Variants in SLC38A8 observed in about 807,000 individuals in gnomAD.
SLC38A8 encodes amino acid transporter SLC38A8.
Under a neutral mutation model 46.0 loss-of-function variants are expected in SLC38A8, and 65 were observed. The ratio of observed to expected loss-of-function variants is 1.41; its 90% CI spans 1.16 to 1.74. The LOEUF is 1.74. Ranked by LOEUF, SLC38A8 falls within the 40% of genes most tolerant of loss-of-function variation. SLC38A8 has a pLI of 0.00. For synonymous variants in SLC38A8, 447 were observed against 243.7 expected (o/e 1.83, Z -7.77); for missense variants, 998 against 567.9 (o/e 1.76, Z -7.70).
intron 5 of SLC38A8, among the ~76,000 whole-genome samples, 156 bp from the exon 6 acceptor site, chr16:84,029,707 A>G (rs2085215374): frequency 7.1e-6 from 1 of 141,106 alleles, no homozygotes; most frequent in African/African-American, 2.5e-5. Flanking sequence ...GGGCTTTTGG[A>G]AATGGAAAAG....
At chr16:84,017,785 T>C (rs547949050) in intron 7 of SLC38A8, among the ~76,000 whole-genome samples, 23 of 152,218 alleles carry the variant, frequency 1.5e-4, no homozygotes, top group Non-Finnish European at 2.9e-4. Context: ...ACACTGCTTC[T>C]GTCACCCCGG....
At position 84,033,447 on chromosome 16, in the gene SLC38A8, G is replaced by A. The variant is rs1187588114; in HGVS notation, c.411C>T (p.Gly137=). The change falls in exon 4 of 11, where the codon GGC becomes GGT. Residue 137 remains glycine (G), a synonymous_variant. Transcript: ENST00000299709. ...LEKLCDSLLS[G]TPPAPQPWYA... The stretch of plus-strand genomic sequence containing the variant: ...ACCACGGCTGCGGGGCGGGCGGGGT[G>A]CCAGACAGGAGGGAGTCACACACTG... The A allele has an allele frequency of 6.2e-7, 1 of 1,609,168 alleles. No individual in the cohort carries two copies. The highest frequency in any genetic ancestry group is 8.5e-7 in the Non-Finnish European group (1 of 1,177,990).
chr16:84,023,869 G>A (rs2085126397), intron 6 of SLC38A8, among the ~76,000 whole-genome samples: 3 of 152,226 alleles, frequency 2.0e-5, no homozygotes, highest in African/African-American at 7.2e-5. Flanking sequence ...ACTCCAGCCT[G>A]AAAGACACAG....
intron 6 of SLC38A8, among the ~76,000 whole-genome samples, chr16:84,028,457 CG>C (rs2085192499): frequency 6.6e-6 from 1 of 151,542 alleles, no homozygotes; most frequent in African/African-American, 2.4e-5. Context: ...TGGTGGTGCA[CG>C]CCTGTAGTCC....
Position 84,036,808 on chromosome 16 carries a change from C to T in SLC38A8, c.282G>A (p.Gly94=). Residue 94 remains glycine (G), a synonymous_variant, in exon 3 of 11, where the codon GGG becomes GGA. Coordinates refer to ENST00000299709, the MANE Select transcript of SLC38A8 (RefSeq NM_001080442.3). ...GQATYQGVVR[G]LCGPAIGKLC... is the part of the protein sequence containing the mutation. Reference sequence around the variant, plus strand: ...GCTTCCCAATGGCAGGGCCACACAGCCCCCTGACCACACCCTGGTAGGTGG... The same window carrying T: ...GCTTCCCAATGGCAGGGCCACACAGTCCCCTGACCACACCCTGGTAGGTGG... 17 of 1,614,074 alleles carry T rather than the reference C, an allele frequency of 1.1e-5. No individual in the cohort carries two copies. The highest frequency in any genetic ancestry group is 1.4e-5 in the Non-Finnish European group (17 of 1,180,020).
intron 2 of SLC38A8, 53 bp from the exon 3 acceptor site, chr16:84,036,953 C>T: frequency 6.6e-7 from 1 of 1,508,856 alleles, no homozygotes; most frequent in South Asian, 1.2e-5. Flanking sequence ...GCCCACCCAC[C>T]CCCAGCCAGC....
chr16:84,037,000 C>T (rs2085308184), intron 2 of SLC38A8, 100 bp from the exon 3 acceptor site: 1 of 1,235,992 alleles, frequency 8.1e-7, no homozygotes, highest in Non-Finnish European at 1.1e-6. Flanking sequence ...GCTTCTCATC[C>T]ACAGAGGCCA....
rs562830848 is a variant in SLC38A8, at chr16:84,016,098, G to T, written c.1162+421C>A. ...GAGCAAAGTCACGTCTTACATGGTGGCAGGCAGGCAAGAGAGCTTGTGCTG... is the reference window on the plus strand; with the variant it reads ...GAGCAAAGTCACGTCTTACATGGTGTCAGGCAGGCAAGAGAGCTTGTGCTG... On this transcript the variant is annotated intron_variant, in intron 9 of 10. Coordinates refer to ENST00000299709, the MANE Select transcript of SLC38A8 (RefSeq NM_001080442.3). Among the ~76,000 whole-genome samples, 7 of 151,230 alleles carry T rather than the reference G, an allele frequency of 4.6e-5. No individual in the cohort carries two copies. The South Asian group carries it at 1.5e-3, about 32-fold the overall frequency.
intron 10 of SLC38A8, among the ~76,000 whole-genome samples, chr16:84,012,475 G>A (rs946245246): frequency 1.3e-5 from 2 of 152,192 alleles, no homozygotes; most frequent in African/African-American, 2.4e-5. Context: ...GGCCTGGGTT[G>A]CATCCTAGCT....
chr16:84,033,427 G>C lies in SLC38A8; in HGVS notation c.431C>G (p.Pro144Arg). The C allele has an allele frequency of 6.2e-7, 1 of 1,612,332 alleles. No homozygotes were observed. The highest frequency in any genetic ancestry group is 8.5e-7 in the Non-Finnish European group (1 of 1,179,280). Residue 144 changes from proline (P) to arginine (R), a missense_variant, in exon 4 of 11, where the codon CCG (proline) becomes CGG (arginine). By Grantham distance (103) the Pro-to-Arg change is moderately radical. Transcript: ENST00000299709. ...GGTGAAGCGCTGGTCTGCGTACCAC[G>C]GCTGCGGGGCGGGCGGGGTGCCAGA... ...LLSGTPPAPQ[P>R]WYADQRFTLP...
intron 2 of SLC38A8, among the ~76,000 whole-genome samples, chr16:84,041,722 G>A (rs1214246060): frequency 1.3e-5 from 2 of 152,186 alleles, no homozygotes; most frequent in Non-Finnish European, 2.9e-5. Context: ...AGACAGAGCT[G>A]CGATGCCTGT....
chr16:84,013,288 G>A (rs1407758451), intron 9 of SLC38A8, among the ~76,000 whole-genome samples: 1 of 152,104 alleles, frequency 6.6e-6, no homozygotes, highest in African/African-American at 2.4e-5. Flanking sequence ...ACTTCCCAGA[G>A]CCCCATCTTT....
At chr16:84,027,027 G>A (rs772943415) in intron 6 of SLC38A8, among the ~76,000 whole-genome samples, 22 of 152,234 alleles carry the variant, frequency 1.4e-4, no homozygotes, top group African/African-American at 5.3e-4. Context: ...CACGGTATAT[G>A]CATCCTATCT....
chr16:84,037,831 C>T (rs3903028), intron 2 of SLC38A8, among the ~76,000 whole-genome samples: 27,584 of 85,846 alleles, frequency 0.32, 3,296 homozygotes, highest in East Asian at 0.51. Flanking sequence ...TTTTTGGAGA[C>T]GGAGTCTAGC....
rs753930081 is a variant in SLC38A8 at position 84,036,918 on chromosome 16, G to C, written c.190-18C>G. ...AACGAGACCTGCGGAGAAGGAGCAG[G>C]ACCTGGAACTGGGGTGTGCCCACAG... On this transcript the variant is annotated intron_variant, in intron 2 of 10. Coordinates refer to ENST00000299709, the MANE Select transcript of SLC38A8 (RefSeq NM_001080442.3). 1.3e-6 allele frequency: 2 copies of C among 1,598,418 alleles called. No individual in the cohort carries two copies. Among genetic ancestry groups the C allele is most frequent in the Admixed American group, 1.7e-5 (1 of 58,214 alleles).
intron 7 of SLC38A8, among the ~76,000 whole-genome samples, chr16:84,018,673 A>T (rs1387332956): frequency 6.6e-6 from 1 of 152,196 alleles, no homozygotes; most frequent in East Asian, 1.9e-4. Flanking sequence ...AGACAATCAC[A>T]TCAGCAGGAG....
chr16:84,033,292 G>T, intron 4 of SLC38A8, 36 bp downstream of exon 4: 1 of 1,613,582 alleles, frequency 6.2e-7, no homozygotes, highest in Middle Eastern at 1.7e-4. Context: ...ACTCAGCAAG[G>T]TGGGGGCCCC....
At chr16:84,014,683 C>G (rs1024931582) in intron 9 of SLC38A8, among the ~76,000 whole-genome samples, 43 of 152,246 alleles carry the variant, frequency 2.8e-4, no homozygotes, top group Non-Finnish European at 1.9e-4. Flanking sequence ...CTTCCCCAGT[C>G]TTTATCTCTT....
intron 3 of SLC38A8, among the ~76,000 whole-genome samples, chr16:84,035,149 C>A (rs1354379140): frequency 2.0e-5 from 3 of 152,214 alleles, no homozygotes; most frequent in Non-Finnish European, 4.4e-5. Flanking sequence ...GGGCTCCGCT[C>A]CCAGTGAGGC....
Sources: gnomAD v4.1 joint callset for allele counts (sites outside exome capture counted in the v4.1 genomes callset) on GRCh38, gnomAD v4.1.1 for gene constraint, MANE v1.5 for transcripts, NCBI Gene and HGNC (gene_info 2026-07-23, HGNC 2026-07-21) for gene names.